PLPPR4: variants seen among roughly 807,000 people sequenced by gnomAD.
PLPPR4 encodes the protein phospholipid phosphatase related 4, also known as phospholipid phosphatase-related protein type 4.
Under a neutral mutation model 56.6 loss-of-function variants are expected in PLPPR4, and 24 were observed. The ratio of observed to expected loss-of-function variants is 0.42; its 90% CI spans 0.31 to 0.60. The LOEUF is 0.60. Among genes scored for constraint, PLPPR4 ranks in the 20% least tolerant of loss-of-function variants. PLPPR4 has a pLI of 0.13. For missense variants in PLPPR4, 654 were observed against 885.8 expected, an observed-to-expected ratio of 0.74 and a Z score of 3.32; for synonymous variants, 326 against 328.1, an observed-to-expected ratio of 0.99 and a Z score of 0.07.
intron 1 of PLPPR4, among the ~76,000 whole-genome samples, chr1:99,287,481 T>C (rs755166692): frequency 1.3e-5 from 2 of 152,206 alleles, no homozygotes; most frequent in African/African-American, 2.4e-5. Flanking sequence ...TCTTCCACAA[T>C]GGTTAAACTA....
chr1:99,303,591 A>G (rs1330727089), intron 6 of PLPPR4, among the ~76,000 whole-genome samples: 2 of 152,206 alleles, frequency 1.3e-5, no homozygotes, highest in African/African-American at 4.8e-5. Context: ...CAGAAGTAAA[A>G]ATAAATTATC....
intron 1 of PLPPR4, among the ~76,000 whole-genome samples, chr1:99,266,646 C>T (rs712895): frequency 0.27 from 40,591 of 152,102 alleles, 5,704 homozygotes; most frequent in East Asian, 0.39. Context: ...AGCTGTAGAA[C>T]AATTACTTGA....
At chr1:99,277,821 A>G (rs1025032895) in intron 1 of PLPPR4, among the ~76,000 whole-genome samples, 4 of 152,090 alleles carry the variant, frequency 2.6e-5, no homozygotes, top group South Asian at 4.1e-4. Context: ...ATTGAAATCC[A>G]TTCACAGTTT....
chr1:99,285,769 T>G (rs1228412893), intron 1 of PLPPR4, among the ~76,000 whole-genome samples: 3 of 152,206 alleles, frequency 2.0e-5, no homozygotes, highest in Non-Finnish European at 2.9e-5. Context: ...AATATTGTCT[T>G]TATCAAAAAC....
intron 6 of PLPPR4, among the ~76,000 whole-genome samples, chr1:99,304,591 T>A (rs569580877): frequency 6.6e-6 from 1 of 152,244 alleles, no homozygotes; most frequent in Admixed American, 6.5e-5. Flanking sequence ...TAGAAGATGG[T>A]TTCAACCAGG....
rs550978597 is a variant in PLPPR4, at chr1:99,308,929, C to A, written c.*1919C>A. The A allele has an allele frequency of 6.4e-4, 97 of 152,686 alleles. No homozygotes were observed. The highest frequency in any genetic ancestry group is 2.2e-3 in the African/African-American group (93 of 41,552). The allele number at this position is 152,686 out of a possible 1,614,324, so 9.5% of individuals were successfully genotyped here. ...GTTTTAGTACTCTGAAGGACAAAAA[C>A]AAGCAAACAAAAACCCCTGCTGCAG... On this transcript the variant is annotated 3_prime_UTR_variant, in exon 7 of 7. Transcript: ENST00000370185.
At chr1:99,271,943 T>TGTGTGTGTGTGTGTGTGTGTGA (rs140869914) in intron 1 of PLPPR4, among the ~76,000 whole-genome samples, 2 of 126,970 alleles carry the variant, frequency 1.6e-5, no homozygotes, top group African/African-American at 2.9e-5. Flanking sequence ...TGTGTGTGTG[T>TGTGTGTGTGTGTGTGTGTGTGA]GATGGAGATC....
chr1:99,303,366 G>A (rs1659935180), intron 6 of PLPPR4, among the ~76,000 whole-genome samples: 1 of 152,118 alleles, frequency 6.6e-6, no homozygotes, highest in South Asian at 2.1e-4. Context: ...AGGGAGTTGA[G>A]GGGATCAATT....
At chr1:99,270,949 T>C (rs1283624196) in intron 1 of PLPPR4, among the ~76,000 whole-genome samples, 1 of 152,152 alleles carries the variant, frequency 6.6e-6, no homozygotes, top group Non-Finnish European at 1.5e-5. Context: ...AGAGATAGAG[T>C]TAAATGAGGA....
intron 2 of PLPPR4, among the ~76,000 whole-genome samples, chr1:99,296,326 TG>T (rs1659739636): frequency 6.6e-6 from 1 of 152,202 alleles, no homozygotes; most frequent in Admixed American, 6.5e-5. Context: ...TACCTACATA[TG>T]GGTAGTGGCT....
At chr1:99,271,578 T>G (rs1045192233) in intron 1 of PLPPR4, among the ~76,000 whole-genome samples, 15 of 152,182 alleles carry the variant, frequency 9.9e-5, no homozygotes, top group African/African-American at 3.4e-4. Context: ...GCTACTAAAC[T>G]TGGCTGTATT....
intron 1 of PLPPR4, among the ~76,000 whole-genome samples, chr1:99,265,017 G>T (rs748275324): frequency 6.6e-6 from 1 of 152,204 alleles, no homozygotes; most frequent in Non-Finnish European, 1.5e-5. Context: ...CCCATATTTC[G>T]GGATTTGTGT....
intron 1 of PLPPR4, among the ~76,000 whole-genome samples, chr1:99,274,872 T>C (rs1218146427): frequency 6.6e-6 from 1 of 152,176 alleles, no homozygotes; most frequent in African/African-American, 2.4e-5. Flanking sequence ...GTCTGTTCAA[T>C]GCAAATTAAA....
chr1:99,269,860 A>G (rs541142726), intron 1 of PLPPR4, among the ~76,000 whole-genome samples: 1 of 152,234 alleles, frequency 6.6e-6, no homozygotes, highest in Non-Finnish European at 1.5e-5. Flanking sequence ...TTCTGTGCAT[A>G]GGTATGTACA....
At position 99,299,298 on chromosome 1, in the gene PLPPR4, C is replaced by T. The variant is rs1022041196; in HGVS notation, c.590+68C>T. The T allele has an allele frequency of 7.1e-5, 79 of 1,115,106 alleles. No individual in the cohort carries two copies. In the Middle Eastern group the frequency reaches 3.7e-3, roughly 53 times the overall value. 69.1% of individuals were successfully genotyped at this position (1,115,106 alleles called of 1,614,324 possible). A position where few individuals can be genotyped will look rare whatever the true frequency, so the allele number is the denominator to read the frequency against. ...TATTCAATTGCTGCTTGGAGTATCACTTTAAGCATGCCTCTTTCAGTCATA... is the reference window on the plus strand; with the variant it reads ...TATTCAATTGCTGCTTGGAGTATCATTTTAAGCATGCCTCTTTCAGTCATA... On this transcript the variant is annotated intron_variant, in intron 4 of 6. Coordinates refer to ENST00000370185, the MANE Select transcript of PLPPR4 (RefSeq NM_014839.5).
At chr1:99,301,381 T>C (rs769726358) in intron 5 of PLPPR4, among the ~76,000 whole-genome samples, 15 of 152,122 alleles carry the variant, frequency 9.9e-5, no homozygotes, top group Middle Eastern at 3.4e-3. Flanking sequence ...AGAAATGTTG[T>C]ACAATGAATA....
At chr1:99,284,688 A>G (rs1659418408) in intron 1 of PLPPR4, among the ~76,000 whole-genome samples, 1 of 152,052 alleles carries the variant, frequency 6.6e-6, no homozygotes, top group African/African-American at 2.4e-5. Context: ...TAGAAAAATG[A>G]TATAATTGGA....
rs1292538212 is a variant in PLPPR4, at chr1:99,309,543, T to A, written c.*2533T>A. The stretch of plus-strand genomic sequence containing the variant: ...TAAAAGCTATTGTGTGAGTATATTG[T>A]GCTAAAATCATAGAAATAAAGATTA... On this transcript the variant is annotated 3_prime_UTR_variant, in exon 7 of 7. Coordinates refer to ENST00000370185, the MANE Select transcript of PLPPR4 (RefSeq NM_014839.5). 1 of 152,602 alleles carries A rather than the reference T, an allele frequency of 6.6e-6. No individual in the cohort carries two copies. Among genetic ancestry groups the A allele is most frequent in the Non-Finnish European group, 1.5e-5 (1 of 68,024 alleles). The allele number at this position is 152,602 out of a possible 1,614,324, so 9.5% of individuals were successfully genotyped here. A position where few individuals can be genotyped will look rare whatever the true frequency, so the allele number is the denominator to read the frequency against.
At chr1:99,288,172 G>C (rs779014636) in intron 2 of PLPPR4, 22 bp downstream of exon 2, 1 of 1,607,790 alleles carries the variant, frequency 6.2e-7, no homozygotes, top group Non-Finnish European at 8.5e-7. Context: ...CCCCAAAATT[G>C]TGTTTATCTG....
Sources: gnomAD v4.1 joint callset for allele counts (sites outside exome capture counted in the v4.1 genomes callset) on GRCh38, gnomAD v4.1.1 for gene constraint, MANE v1.5 for transcripts, NCBI Gene and HGNC (gene_info 2026-07-23, HGNC 2026-07-21) for gene names.